Variants in KIAA0825 observed in about 807,000 individuals in gnomAD.
The protein encoded by KIAA0825 is uncharacterized protein KIAA0825.
Under a neutral mutation model 147.6 loss-of-function variants are expected in KIAA0825, and 119 were observed. The ratio of observed to expected loss-of-function variants is 0.81; its 90% CI spans 0.69 to 0.94. The LOEUF is 0.94. Among genes scored for constraint, KIAA0825 ranks in the 40% least tolerant of loss-of-function variants. KIAA0825 has a pLI of 0.00. For synonymous variants in KIAA0825, 470 were observed against 518.1 expected, an observed-to-expected ratio of 0.91 and a Z score of 1.26; for missense variants, 1,381 against 1,472.7, an observed-to-expected ratio of 0.94 and a Z score of 1.02.
chr5:94,291,007 A>G (rs1777867082), intron 20 of KIAA0825, among the ~76,000 whole-genome samples: 1 of 152,086 alleles, frequency 6.6e-6, no homozygotes, highest in South Asian at 2.1e-4. Context: ...AAATATGAAT[A>G]AGTTCCTTGT....
chr5:94,443,685 T>C (rs1428369694), intron 13 of KIAA0825, among the ~76,000 whole-genome samples: 1 of 152,190 alleles, frequency 6.6e-6, no homozygotes, highest in Non-Finnish European at 1.5e-5. Context: ...TGAAAATTCA[T>C]CAATTAGCTC....
chr5:94,579,420 T>A (rs2152350217), intron 2 of KIAA0825, among the ~76,000 whole-genome samples: 1 of 152,352 alleles, frequency 6.6e-6, no homozygotes, highest in South Asian at 2.1e-4. Flanking sequence ...TTAGTGTTAT[T>A]GAAAAATATT....
At chr5:94,336,653 G>C (rs770364464) in intron 20 of KIAA0825, among the ~76,000 whole-genome samples, 1 of 152,016 alleles carries the variant, frequency 6.6e-6, no homozygotes, top group Non-Finnish European at 1.5e-5. Context: ...TCTTTATCTA[G>C]TCTATCATTG....
chr5:94,181,958 G>A (rs997966816), intron 20 of KIAA0825, among the ~76,000 whole-genome samples: 11 of 152,294 alleles, frequency 7.2e-5, no homozygotes, highest in East Asian at 3.9e-4. Flanking sequence ...TGTCCCTGCA[G>A]TCTAAACCCT....
At chr5:94,432,035 T>G (rs1251632732) in intron 14 of KIAA0825, among the ~76,000 whole-genome samples, 2 of 152,264 alleles carry the variant, frequency 1.3e-5, no homozygotes, top group African/African-American at 4.8e-5. Context: ...AAGATTATGC[T>G]TGCTGACCAC....
intron 13 of KIAA0825, among the ~76,000 whole-genome samples, chr5:94,451,023 A>C (rs1316579927): frequency 6.6e-6 from 1 of 152,138 alleles, no homozygotes; most frequent in African/African-American, 2.4e-5. Context: ...TCCATAAAAG[A>C]AGCACCTGAG....
Position 94,272,126 on chromosome 5 carries a change from A to C in KIAA0825, c.3710+112242T>G, listed in dbSNP as rs200548585. On this transcript the variant is annotated intron_variant, in intron 20 of 20. Transcript: ENST00000682413. ...AGGAGCAAAAAAAAAAAAAAAAAAAAAAAAAACTAAGACAATTGAACTCAT... is the reference window on the plus strand; with the variant it reads ...AGGAGCAAAAAAAAAAAAAAAAAAACAAAAAACTAAGACAATTGAACTCAT... Among the ~76,000 whole-genome samples the C allele has an allele frequency of 1.8e-3, 278 of 151,236 alleles. 1 individual carries two copies. The highest frequency in any genetic ancestry group is 0.013 in the East Asian group (69 of 5,138).
At chr5:94,383,449 C>CA (rs1039830787) in intron 20 of KIAA0825, among the ~76,000 whole-genome samples, 1 of 151,230 alleles carries the variant, frequency 6.6e-6, no homozygotes, top group South Asian at 2.1e-4. Context: ...TATTTTCTTT[C>CA]AAAAAAAAGA....
In KIAA0825 at chr5:94,403,844, G is replaced by A. The variant is rs568542169; in HGVS notation, c.2663-51C>T. 103 of 1,441,220 alleles carry A rather than the reference G, an allele frequency of 7.1e-5. No individual in the cohort carries two copies. In the South Asian group the frequency reaches 1.2e-3, roughly 17 times the overall value. 89.3% of individuals were successfully genotyped at this position (1,441,220 alleles called of 1,614,324 possible). On this transcript the variant is annotated intron_variant, in intron 15 of 20. Transcript: ENST00000682413. Reference sequence around the variant, plus strand: ...GTTAGCAGAACCTAGCAAATCAGTTGTGCCTTGCTCAACTAGAATTCAGTT... The same window carrying A: ...GTTAGCAGAACCTAGCAAATCAGTTATGCCTTGCTCAACTAGAATTCAGTT...
At chr5:94,457,946 G>T (rs1759324844) in intron 12 of KIAA0825, among the ~76,000 whole-genome samples, 2 of 152,076 alleles carry the variant, frequency 1.3e-5, no homozygotes, top group Admixed American at 1.3e-4. Flanking sequence ...ATGGTGCCTG[G>T]GCCATTGGAG....
chr5:94,575,956 C>T (rs919223228), intron 2 of KIAA0825, among the ~76,000 whole-genome samples: 1 of 152,002 alleles, frequency 6.6e-6, no homozygotes, highest in Non-Finnish European at 1.5e-5. Flanking sequence ...AGAATGGTAG[C>T]TCATGAATAG....
At chr5:94,574,484 C>T (rs73132666) in intron 2 of KIAA0825, among the ~76,000 whole-genome samples, 11,295 of 129,898 alleles carry the variant, frequency 0.087, 469 homozygotes, top group South Asian at 0.13. Flanking sequence ...GGGGAGGTTG[C>T]GGTGAGCCAA....
intron 10 of KIAA0825, among the ~76,000 whole-genome samples, chr5:94,469,170 GTTC>G (rs1380573648): frequency 1.3e-5 from 2 of 151,252 alleles, no homozygotes; most frequent in Non-Finnish European, 2.9e-5. Context: ...TCAGATGACT[GTTC>G]TTTTTTTTTT....
chr5:94,519,356 C>T (rs1767742544), intron 5 of KIAA0825: 1 of 893,194 alleles, frequency 1.1e-6, no homozygotes, highest in Non-Finnish European at 1.3e-6. Flanking sequence ...AGTTTATGAA[C>T]TTATTCAGAA....
chr5:94,518,602 T>C (rs1767615701), intron 5 of KIAA0825, among the ~76,000 whole-genome samples: 1 of 152,174 alleles, frequency 6.6e-6, no homozygotes, highest in Non-Finnish European at 1.5e-5. Context: ...TTAATCTTTC[T>C]AAGTTTCTTT....
chr5:94,447,210 G>A lies in KIAA0825; in HGVS notation c.2357+5749C>T, dbSNP rs1757838300. 2.0e-5 allele frequency among the ~76,000 whole-genome samples: 3 copies of A among 152,042 alleles called. No individual in the cohort carries two copies. In the South Asian group the frequency reaches 6.2e-4, roughly 31 times the overall value. Reference sequence around the variant, plus strand: ...GTATGGTTGGTACCCATATATTATGGATCTGTAGTCTTAAGAGAGATTAAA... The same window carrying A: ...GTATGGTTGGTACCCATATATTATGAATCTGTAGTCTTAAGAGAGATTAAA... On this transcript the variant is annotated intron_variant, in intron 13 of 20. Coordinates refer to ENST00000682413, the MANE Select transcript of KIAA0825 (RefSeq NM_001145678.3).
intron 9 of KIAA0825, among the ~76,000 whole-genome samples, chr5:94,470,727 T>C (rs1450158529): frequency 6.6e-6 from 1 of 152,194 alleles, no homozygotes; most frequent in Non-Finnish European, 1.5e-5. Context: ...TCTACTTTTA[T>C]CTTTAGCTAT....
At chr5:94,618,417 T>C (rs1433856096) in intron 1 of KIAA0825, 83 bp downstream of exon 1, 3 of 152,364 alleles carry the variant, frequency 2.0e-5, no homozygotes, top group Non-Finnish European at 4.4e-5. Context: ...CCCACTCACT[T>C]CTCGGGCTGG....
intron 5 of KIAA0825, among the ~76,000 whole-genome samples, chr5:94,485,551 T>G (rs925043443): frequency 1.3e-5 from 2 of 151,840 alleles, no homozygotes; most frequent in Non-Finnish European, 3.0e-5. Flanking sequence ...TGTCTTTGTC[T>G]TTAGGAAATA....
Sources: allele counts gnomAD v4.1 joint callset (sites outside exome capture counted in the v4.1 genomes callset), GRCh38; gene constraint gnomAD v4.1.1; transcripts MANE v1.5; gene names NCBI Gene and HGNC (gene_info 2026-07-23, HGNC 2026-07-21).